ARNT2: variants seen among roughly 807,000 people sequenced by gnomAD.
ARNT2 encodes the protein ARNT protein 2.
Under a neutral mutation model 91.7 loss-of-function variants are expected in ARNT2, and 36 were observed. The ratio of observed to expected loss-of-function variants is 0.39; its 90% CI spans 0.30 to 0.52. The LOEUF (loss-of-function observed/expected upper bound fraction) is 0.52. ARNT2 is among the 20% of genes least tolerant of loss of function. ARNT2 has a pLI of 0.72. For synonymous variants in ARNT2, 365 were observed against 347.1 expected (o/e 1.05, Z -0.57); for missense variants, 775 against 939.3 (o/e 0.83, Z 2.29).
chr15:80,493,658 G>A (rs1372819216), intron 5 of ARNT2, among the ~76,000 whole-genome samples: 3 of 152,088 alleles, frequency 2.0e-5, no homozygotes, highest in East Asian at 3.9e-4. Context: ...TCTCCTGCTT[G>A]GAGTTTGGAA....
chr15:80,469,081 A>T (rs1896697897), intron 3 of ARNT2, among the ~76,000 whole-genome samples: 1 of 152,002 alleles, frequency 6.6e-6, no homozygotes, highest in Non-Finnish European at 1.5e-5. Context: ...CACCAGTGAA[A>T]CCCTAAATCC....
intron 3 of ARNT2, among the ~76,000 whole-genome samples, chr15:80,463,577 T>C (rs1470668996): frequency 0.096 from 286 of 2,978 alleles, no homozygotes; most frequent in African/African-American, 0.36. Context: ...GTGATTTCCT[T>C]TTTTTTTTTT....
chr15:80,462,383 A>C (rs1896572762), intron 3 of ARNT2, among the ~76,000 whole-genome samples: 1 of 152,224 alleles, frequency 6.6e-6, no homozygotes, highest in African/African-American at 2.4e-5. Flanking sequence ...TACGTATGTG[A>C]ATGTATGCGT....
intron 5 of ARNT2, among the ~76,000 whole-genome samples, chr15:80,505,227 A>T (rs894014520): frequency 6.6e-6 from 1 of 152,244 alleles, no homozygotes; most frequent in African/African-American, 2.4e-5. Context: ...GGCGTCACAT[A>T]AATGGTAGAG....
chr15:80,410,273 G>T (rs1346758181), intron 1 of ARNT2, among the ~76,000 whole-genome samples: 1 of 152,176 alleles, frequency 6.6e-6, no homozygotes. Flanking sequence ...CATCCCTTGG[G>T]CACGACATGT....
At chr15:80,463,477 A>G (rs1461777529) in intron 3 of ARNT2, among the ~76,000 whole-genome samples, 1 of 151,320 alleles carries the variant, frequency 6.6e-6, no homozygotes, top group East Asian at 1.9e-4. Context: ...TCAGTGGGTT[A>G]GGGTTAGGGT....
At chr15:80,502,078 G>C (rs1268578854) in intron 5 of ARNT2, among the ~76,000 whole-genome samples, 2 of 152,186 alleles carry the variant, frequency 1.3e-5, no homozygotes, top group Admixed American at 6.5e-5. Flanking sequence ...CTGGGTCCCT[G>C]AGCCACAGGG....
intron 1 of ARNT2, among the ~76,000 whole-genome samples, chr15:80,423,449 T>A (rs892071041): frequency 6.6e-6 from 1 of 152,200 alleles, no homozygotes; most frequent in Non-Finnish European, 1.5e-5. Flanking sequence ...TAATCAGTTA[T>A]GTCTAATGTA....
rs186282610 is a variant in ARNT2, at chr15:80,506,116, T to G, written c.623-2040T>G. On this transcript the variant is annotated intron_variant, in intron 5 of 18. Coordinates refer to ENST00000303329, the MANE Select transcript of ARNT2 (RefSeq NM_014862.4). ...CGCGCCTGGCTAATTTTTTGTATTT[T>G]TAGTAGAGACGGGGTTTCACCTTGT... 7.5e-3 allele frequency among the ~76,000 whole-genome samples: 1,134 copies of G among 152,064 alleles called. 5 individuals are homozygous for G. The highest frequency in any genetic ancestry group is 0.014 in the South Asian group (66 of 4,816).
chr15:80,568,242 G>T (rs1898522179), intron 12 of ARNT2, among the ~76,000 whole-genome samples: 1 of 152,046 alleles, frequency 6.6e-6, no homozygotes, highest in African/African-American at 2.4e-5. Context: ...GACTCATTTG[G>T]GGCTGTTTGT....
At position 80,404,498 on chromosome 15, in the gene ARNT2, C is replaced by A; in HGVS notation, c.-18C>A. 8.1e-7 allele frequency: 1 copy of A among 1,238,618 alleles called. No individual in the cohort carries two copies. Among genetic ancestry groups the A allele is most frequent in the Middle Eastern group, 2.8e-4 (1 of 3,592 alleles). 76.7% of individuals were successfully genotyped at this position (1,238,618 alleles called of 1,614,324 possible). The stretch of plus-strand genomic sequence containing the variant: ...TCCCGCGCCCCTGCCAAGCGGGCGC[C>A]TATCCTCTCCGAGCAAGATGGCAAC... On this transcript the variant is annotated 5_prime_UTR_variant, in exon 1 of 19. Coordinates refer to ENST00000303329, the MANE Select transcript of ARNT2 (RefSeq NM_014862.4). This position sits in a 1 kb window ranked among gnomAD's most constrained non-coding sequence, Gnocchi z 5.5.
chr15:80,550,310 A>G (rs1898061262), intron 8 of ARNT2, among the ~76,000 whole-genome samples: 1 of 152,168 alleles, frequency 6.6e-6, no homozygotes, highest in Non-Finnish European at 1.5e-5. Flanking sequence ...AACCATAGTG[A>G]TATTTAACGT....
At chr15:80,463,789 A>G (rs1896602343) in intron 3 of ARNT2, among the ~76,000 whole-genome samples, 1 of 152,094 alleles carries the variant, frequency 6.6e-6, no homozygotes, top group South Asian at 2.1e-4. Context: ...CATGTTGGCC[A>G]GGCTGGCCAA....
At chr15:80,413,190 G>T (rs1595951872) in intron 1 of ARNT2, among the ~76,000 whole-genome samples, 2 of 152,228 alleles carry the variant, frequency 1.3e-5, no homozygotes, top group Admixed American at 1.3e-4. Context: ...CGCTGCAGGG[G>T]CCCCATGACT....
In ARNT2 at chr15:80,567,938, T is replaced by C. The variant is rs540901678; in HGVS notation, c.1316+4699T>C. Among the ~76,000 whole-genome samples the C allele has an allele frequency of 1.6e-4, 24 of 152,200 alleles. 1 individual carries two copies. Among genetic ancestry groups the C allele is most frequent in the Non-Finnish European group, 3.2e-4 (22 of 68,022 alleles). ...TTGCCAGCAGTAGGCAGACTTGTTA[T>C]GGAAAGATCCTTAAATGCTCTGTGC... On this transcript the variant is annotated intron_variant, in intron 12 of 18. Coordinates refer to ENST00000303329, the MANE Select transcript of ARNT2 (RefSeq NM_014862.4).
intron 1 of ARNT2, among the ~76,000 whole-genome samples, chr15:80,408,089 A>C (rs532833924): frequency 1.3e-5 from 2 of 152,258 alleles, no homozygotes; most frequent in South Asian, 4.1e-4. Flanking sequence ...TTTTTTCCCC[A>C]CTTCCAGGTT....
chr15:80,582,602 C>T (rs941176431), intron 17 of ARNT2, among the ~76,000 whole-genome samples: 2 of 152,180 alleles, frequency 1.3e-5, no homozygotes, highest in African/African-American at 2.4e-5. Context: ...GCAGCACGTC[C>T]GTCCCACTCA....
chr15:80,481,339 C>T (rs1371739359), intron 5 of ARNT2, among the ~76,000 whole-genome samples: 1 of 152,182 alleles, frequency 6.6e-6, no homozygotes, highest in Non-Finnish European at 1.5e-5. Flanking sequence ...AAAGATGGTG[C>T]ATTCACTGAA....
intron 4 of ARNT2, among the ~76,000 whole-genome samples, chr15:80,473,358 G>T (rs974326606): frequency 6.6e-6 from 1 of 152,114 alleles, no homozygotes; most frequent in African/African-American, 2.4e-5. Context: ...GATGCGAGCA[G>T]GGCTTCATCC....
Sources: allele counts gnomAD v4.1 joint callset (sites outside exome capture counted in the v4.1 genomes callset), GRCh38; gene constraint gnomAD v4.1.1; non-coding constraint Gnocchi (gnomAD v3.1); transcripts MANE v1.5; gene names NCBI Gene and HGNC (gene_info 2026-07-23, HGNC 2026-07-21).